Variants in MCPH1 observed in about 807,000 individuals in gnomAD.
MCPH1 encodes microcephalin 1.
A neutral mutation model predicts 84.5 loss-of-function variants in MCPH1; 104 were observed. That is an observed-to-expected ratio of 1.23 (90% confidence interval 1.05 to 1.45). MCPH1 has a LOEUF of 1.45. Among genes scored for constraint, MCPH1 ranks in the 40% most tolerant of loss-of-function variants. The pLI is 0.00. For synonymous variants in MCPH1, 514 were observed against 366.8 expected, an observed-to-expected ratio of 1.40 and a Z score of -4.58; for missense variants, 1,498 against 1,005.7, an observed-to-expected ratio of 1.49 and a Z score of -6.62.
intron 12 of MCPH1, among the ~76,000 whole-genome samples, chr8:6,545,889 T>C (rs1822496267): frequency 6.6e-6 from 1 of 152,258 alleles, no homozygotes; most frequent in Admixed American, 6.5e-5. Flanking sequence ...GCAATGCAAG[T>C]GTTTCTGACT....
At chr8:6,428,143 T>C (rs1414317117) in intron 3 of MCPH1, among the ~76,000 whole-genome samples, 5 of 152,192 alleles carry the variant, frequency 3.3e-5, no homozygotes, top group Non-Finnish European at 7.3e-5. Context: ...AACTTTGTAA[T>C]TTTTTAAATT....
chr8:6,478,193 A>G (rs1808727539), intron 10 of MCPH1, among the ~76,000 whole-genome samples: 1 of 152,234 alleles, frequency 6.6e-6, no homozygotes, highest in Non-Finnish European at 1.5e-5. Context: ...GTTTTAAGAC[A>G]TCCATCAAAA....
intron 12 of MCPH1, among the ~76,000 whole-genome samples, chr8:6,521,903 T>C (rs558372204): frequency 1.3e-5 from 2 of 152,342 alleles, no homozygotes; most frequent in South Asian, 4.1e-4. Context: ...TACTCCTTCA[T>C]GGGGAGGTGA....
intron 12 of MCPH1, among the ~76,000 whole-genome samples, chr8:6,578,435 A>G (rs1259586846): frequency 2.0e-5 from 3 of 152,222 alleles, no homozygotes; most frequent in Non-Finnish European, 4.4e-5. Flanking sequence ...AAGAACTAAT[A>G]TCCATGTTTT....
intron 12 of MCPH1, chr8:6,562,776 G>C (rs1012269583): frequency 1.9e-6 from 3 of 1,613,476 alleles, no homozygotes; most frequent in Non-Finnish European, 2.5e-6. Flanking sequence ...AGGAAGAGCG[G>C]CAGTTGTCCA....
In MCPH1 at chr8:6,444,671, C is replaced by T; in HGVS notation, c.949C>T (p.Gln317Ter). Residue 317 changes from glutamine to a stop codon, truncating the protein, a stop_gained, in exon 8 of 14, where the codon CAG (glutamine) becomes TAG (stop). Coordinates refer to ENST00000344683, the MANE Select transcript of MCPH1 (RefSeq NM_024596.5). LOFTEE classifies it high-confidence loss of function. Reference protein sequence around the residue: ...AGKVVTPDQKQAAGMSQETFE... With the variant: ...AGKVVTPDQK ...TAAAGTAGTCACCCCTGACCAAAAG[C>T]AGGCTGCAGGTATGTCTCAGGAGAC... The T allele has an allele frequency of 6.2e-7, 1 of 1,614,086 alleles. No homozygotes were observed. Among genetic ancestry groups the T allele is most frequent in the Non-Finnish European group, 8.5e-7 (1 of 1,180,016 alleles).
At chr8:6,515,706 C>A (rs1010182901) in intron 12 of MCPH1, among the ~76,000 whole-genome samples, 9 of 152,178 alleles carry the variant, frequency 5.9e-5, no homozygotes, top group African/African-American at 1.9e-4. Context: ...GATAAATTTT[C>A]TGCCACATAC....
Position 6,499,917 on chromosome 8 carries a change from C to T in MCPH1, c.2202C>T (p.Phe734=). The change falls in exon 12 of 14, where the codon TTC becomes TTT. Residue 734 remains phenylalanine (F), a synonymous_variant. Transcript: ENST00000344683. Reference sequence around the variant, plus strand: ...AGCCGTTCGAACTGTCTCACCACTTCCCTGCAGCTCCCGTAAGTCAGATGT... The same window carrying T: ...AGCCGTTCGAACTGTCTCACCACTTTCCTGCAGCTCCCGTAAGTCAGATGT... ...SEEPFELSHH[F]PAAPLCRSEC... 2 of 1,613,556 alleles carry T rather than the reference C, an allele frequency of 1.2e-6. No homozygotes were observed. Among genetic ancestry groups the T allele is most frequent in the Non-Finnish European group, 1.7e-6 (2 of 1,179,802 alleles).
intron 2 of MCPH1, among the ~76,000 whole-genome samples, chr8:6,412,966 C>T (rs145326633): frequency 4.1e-4 from 63 of 152,336 alleles, no homozygotes; most frequent in African/African-American, 1.4e-3. Context: ...AAGACAGCTA[C>T]TTTCAAATCA....
At chr8:6,463,444 A>C (rs984758293) in intron 9 of MCPH1, among the ~76,000 whole-genome samples, 1 of 152,232 alleles carries the variant, frequency 6.6e-6, no homozygotes, top group Non-Finnish European at 1.5e-5. Context: ...GAAAGCTGAA[A>C]AGAAAGTATA....
chr8:6,568,363 A>G (rs1826384121), intron 12 of MCPH1, among the ~76,000 whole-genome samples: 1 of 152,202 alleles, frequency 6.6e-6, no homozygotes, highest in Admixed American at 6.5e-5. Context: ...CCCCCAGAGC[A>G]ATCCGTGCAG....
At chr8:6,413,631 C>T (rs1210373612) in intron 2 of MCPH1, among the ~76,000 whole-genome samples, 1 of 151,816 alleles carries the variant, frequency 6.6e-6, no homozygotes. Context: ...CTTTACTCAA[C>T]TTCATTGTCT....
At chr8:6,632,202 T>C (rs1005199854) in intron 13 of MCPH1, among the ~76,000 whole-genome samples, 5 of 152,222 alleles carry the variant, frequency 3.3e-5, no homozygotes, top group Non-Finnish European at 5.9e-5. Flanking sequence ...TGGAGAATTA[T>C]TGTTTAATGG....
intron 12 of MCPH1, among the ~76,000 whole-genome samples, chr8:6,543,638 G>C: frequency 6.6e-6 from 1 of 152,176 alleles, no homozygotes; most frequent in East Asian, 1.9e-4. Flanking sequence ...AGCTGTAGGT[G>C]CAGCTTTTTT....
At chr8:6,451,900 C>A (rs1377387502) in intron 8 of MCPH1, among the ~76,000 whole-genome samples, 2 of 152,190 alleles carry the variant, frequency 1.3e-5, no homozygotes, top group African/African-American at 4.8e-5. Flanking sequence ...TTGCATAGTG[C>A]ATTGTAAGAG....
At chr8:6,620,014 G>C (rs1831245049) in intron 12 of MCPH1, 1 of 152,190 alleles carries the variant, frequency 6.6e-6, no homozygotes, top group Non-Finnish European at 1.5e-5. Flanking sequence ...CTTGCAGTGT[G>C]ACTCACCATT....
intron 12 of MCPH1, among the ~76,000 whole-genome samples, chr8:6,528,614 G>T (rs942218731): frequency 1.1e-4 from 16 of 152,244 alleles, no homozygotes; most frequent in Non-Finnish European, 2.4e-4. Flanking sequence ...GAGCTACTGC[G>T]TGGCATGAGC....
chr8:6,500,732 C>A (rs948573309), intron 12 of MCPH1: 1 of 152,140 alleles, frequency 6.6e-6, no homozygotes, highest in Non-Finnish European at 1.5e-5. Flanking sequence ...ACAAAAGCTC[C>A]TCTCAGCAAA....
At chr8:6,595,808 A>G (rs1828883628) in intron 12 of MCPH1, among the ~76,000 whole-genome samples, 1 of 152,226 alleles carries the variant, frequency 6.6e-6, no homozygotes. Context: ...TGATGCAGAC[A>G]GTAATAGATG....
Sources: gnomAD v4.1 joint callset for allele counts (sites outside exome capture counted in the v4.1 genomes callset) on GRCh38, gnomAD v4.1.1 for gene constraint, MANE v1.5 for transcripts, NCBI Gene and HGNC (gene_info 2026-07-23, HGNC 2026-07-21) for gene names.